The following TBC1D22A variants were observed in gnomAD, a reference collection of about 807,000 sequenced individuals.
TBC1D22A encodes putative GTPase activator.
TBC1D22A carries 38 observed loss-of-function variants against 60.2 expected under a neutral mutation model. That is an observed-to-expected ratio of 0.63 (90% CI 0.49 to 0.83). The LOEUF is 0.83. TBC1D22A is among the 40% of genes least tolerant of loss of function. The pLI is 0.00. For missense variants in TBC1D22A, 628 were observed against 701.0 expected (o/e 0.90, Z 1.18); for synonymous variants, 302 against 281.7 (o/e 1.07, Z -0.72).
intron 4 of TBC1D22A, among the ~76,000 whole-genome samples, chr22:46,848,784 C>T (rs898467725): frequency 6.6e-5 from 10 of 152,108 alleles, no homozygotes; most frequent in Admixed American, 1.3e-4. Context: ...AGTAGTCTCA[C>T]GTACACTTTG....
intron 12 of TBC1D22A, among the ~76,000 whole-genome samples, chr22:47,128,052 A>T (rs1433637826): frequency 1.5e-4 from 2 of 13,004 alleles, no homozygotes; most frequent in East Asian, 8.8e-3. Flanking sequence ...TCCTCCGCCC[A>T]ACCCATCCCC....
At chr22:47,067,720 G>A (rs1329061905) in intron 11 of TBC1D22A, among the ~76,000 whole-genome samples, 1 of 152,198 alleles carries the variant, frequency 6.6e-6, no homozygotes, top group Non-Finnish European at 1.5e-5. Flanking sequence ...CCATCGTCAT[G>A]TATTTAATAA....
At chr22:47,156,390 C>G (rs1263237511) in intron 12 of TBC1D22A, among the ~76,000 whole-genome samples, 2 of 152,206 alleles carry the variant, frequency 1.3e-5, no homozygotes, top group African/African-American at 4.8e-5. Flanking sequence ...GAGGGCAGCC[C>G]TGCTGATGGG....
intron 9 of TBC1D22A, among the ~76,000 whole-genome samples, chr22:46,976,823 T>G (rs972915920): frequency 6.6e-6 from 1 of 152,224 alleles, no homozygotes; most frequent in African/African-American, 2.4e-5. Flanking sequence ...TCATCGGCTC[T>G]GTGGCAGCCG....
At chr22:46,812,161 T>C (rs977170835) in intron 4 of TBC1D22A, among the ~76,000 whole-genome samples, 2 of 152,038 alleles carry the variant, frequency 1.3e-5, no homozygotes, top group Non-Finnish European at 2.9e-5. Context: ...GGAAGTGACG[T>C]GGGGGTGACA....
In TBC1D22A at chr22:46,894,770, T is replaced by G; in HGVS notation, c.838-14T>G. ...GTGACGTAACATAAATGTCCGTTTC[T>G]CCTGCTTCTCCAGATCCACATAGAC... On this transcript the variant is annotated splice_polypyrimidine_tract_variant and intron_variant, in intron 6 of 12. Transcript: ENST00000337137. 1 of 1,614,148 alleles carries G rather than the reference T, an allele frequency of 6.2e-7. No individual in the cohort carries two copies. Among genetic ancestry groups the G allele is most frequent in the Non-Finnish European group, 8.5e-7 (1 of 1,180,010 alleles).
intron 4 of TBC1D22A, among the ~76,000 whole-genome samples, chr22:46,861,484 G>A (rs1029186973): frequency 1.3e-5 from 2 of 152,198 alleles, no homozygotes; most frequent in African/African-American, 2.4e-5. Flanking sequence ...ACCCCAGGGG[G>A]CCCTCCCCTT....
intron 8 of TBC1D22A, among the ~76,000 whole-genome samples, chr22:46,912,951 C>T (rs2070061815): frequency 6.6e-6 from 1 of 152,194 alleles, no homozygotes; most frequent in African/African-American, 2.4e-5. Context: ...AATTGCGTTT[C>T]TGTGGCCTTT....
chr22:46,783,705 TTGA>T (rs1241212285), intron 1 of TBC1D22A, among the ~76,000 whole-genome samples: 2 of 152,252 alleles, frequency 1.3e-5, no homozygotes, highest in Non-Finnish European at 2.9e-5. Context: ...CAGTGTTCTG[TTGA>T]TGACATTTAT....
intron 1 of TBC1D22A, among the ~76,000 whole-genome samples, chr22:46,776,176 A>G (rs1260933798): frequency 6.6e-6 from 1 of 152,216 alleles, no homozygotes; most frequent in Non-Finnish European, 1.5e-5. Flanking sequence ...TTTGAAGGTT[A>G]CCTGGGGTGT....
intron 4 of TBC1D22A, among the ~76,000 whole-genome samples, chr22:46,825,111 G>T (rs999660065): frequency 6.6e-6 from 1 of 152,128 alleles, no homozygotes; most frequent in Admixed American, 6.5e-5. Flanking sequence ...TTCCCTTAAC[G>T]CAAGGCATTT....
In TBC1D22A at chr22:46,987,018, G is replaced by A. The variant is rs539550652; in HGVS notation, c.1126-10616G>A. Among the ~76,000 whole-genome samples the A allele has an allele frequency of 2.0e-4, 31 of 152,314 alleles. No homozygotes were observed. The South Asian group carries it at 6.2e-3, about 31-fold the overall frequency. ...TCGCCCACTCCTGGCCTCTCCACGC[G>A]CTGATTGTCCTCGTGGCATGGTGGC... On this transcript the variant is annotated intron_variant, in intron 9 of 12. Coordinates refer to ENST00000337137, the MANE Select transcript of TBC1D22A (RefSeq NM_014346.5).
chr22:46,819,283 G>A (rs1651445514), intron 4 of TBC1D22A, among the ~76,000 whole-genome samples: 1 of 152,172 alleles, frequency 6.6e-6, no homozygotes, highest in Non-Finnish European at 1.5e-5. Flanking sequence ...AATAGGAGTG[G>A]TGAGAGAGGG....
At chr22:46,978,469 C>G (rs972466526) in intron 9 of TBC1D22A, among the ~76,000 whole-genome samples, 1 of 152,180 alleles carries the variant, frequency 6.6e-6, no homozygotes. Context: ...TTTTGTAAAT[C>G]TCCTTAATGT....
At chr22:46,964,683 A>G (rs1036153008) in intron 8 of TBC1D22A, among the ~76,000 whole-genome samples, 1 of 152,218 alleles carries the variant, frequency 6.6e-6, no homozygotes, top group African/African-American at 2.4e-5. Context: ...GTTACAATGT[A>G]AGCAGTTTTT....
intron 11 of TBC1D22A, among the ~76,000 whole-genome samples, chr22:47,070,271 C>T (rs1042705772): frequency 3.3e-5 from 4 of 120,658 alleles, no homozygotes; most frequent in Non-Finnish European, 5.1e-5. Context: ...TTTGGTTGGA[C>T]GCTGTCCCCT....
At chr22:46,825,772 G>A (rs532906814) in intron 4 of TBC1D22A, among the ~76,000 whole-genome samples, 2 of 152,158 alleles carry the variant, frequency 1.3e-5, no homozygotes, top group South Asian at 4.1e-4. Context: ...ACCACACCCA[G>A]CCTAAACTGA....
intron 8 of TBC1D22A, among the ~76,000 whole-genome samples, chr22:46,934,710 C>CT (rs1178232163): frequency 6.6e-6 from 1 of 152,216 alleles, no homozygotes. Flanking sequence ...AGGGTCTGCT[C>CT]TAAGTCTGTC....
At chr22:46,837,584 GAAGA>G (rs2086577747) in intron 4 of TBC1D22A, among the ~76,000 whole-genome samples, 1 of 152,162 alleles carries the variant, frequency 6.6e-6, no homozygotes, top group South Asian at 2.1e-4. Context: ...GAAATAAAAG[GAAGA>G]AAGTTCACAA....
Sources: gnomAD v4.1 joint callset for allele counts (sites outside exome capture counted in the v4.1 genomes callset) on GRCh38, gnomAD v4.1.1 for gene constraint, MANE v1.5 for transcripts, NCBI Gene and HGNC (gene_info 2026-07-23, HGNC 2026-07-21) for gene names.